The following YIF1B variants were observed in gnomAD, a reference collection of about 807,000 sequenced individuals.
YIF1B encodes Yip1 interacting factor homolog B, membrane trafficking protein.
In YIF1B, 24 loss-of-function variants were observed where a neutral mutation model predicts 34.6. That is an observed-to-expected ratio of 0.69 (90% CI 0.50 to 0.98). YIF1B has a LOEUF of 0.98. Among genes scored for constraint, YIF1B ranks in the 50% least tolerant of loss-of-function variants. The pLI is 0.00. For missense variants in YIF1B, 368 were observed against 429.4 expected, an observed-to-expected ratio of 0.86 and a Z score of 1.26; for synonymous variants, 186 against 184.8, an observed-to-expected ratio of 1.01 and a Z score of -0.05.
In YIF1B at chr19:38,315,068, G is replaced by A. The variant is rs189592715; in HGVS notation, c.58+792C>T. 3.8e-4 allele frequency among the ~76,000 whole-genome samples: 58 copies of A among 151,930 alleles called. No individual in the cohort carries two copies. In the East Asian group the frequency reaches 0.01, roughly 27 times the overall value. On this transcript the variant is annotated intron_variant, in intron 1 of 7. Transcript: ENST00000339413. ...GAGGTCGGGAGTTTGAGACCAGCTT[G>A]ACCAACATGGAGAAACCCCGTCTAT...
intron 4 of YIF1B, 40 bp downstream of exon 4, chr19:38,308,939 G>A (rs373184680): frequency 8.5e-5 from 137 of 1,612,432 alleles, no homozygotes; most frequent in Non-Finnish European, 1.1e-4. Context: ...ATATAGGCCC[G>A]GAAGAGAGAG....
chr19:38,306,651 A>G (rs1600379223), intron 7 of YIF1B: 2 of 249,820 alleles, frequency 8.0e-6, no homozygotes, highest in East Asian at 2.9e-4. Flanking sequence ...TCATCATCCT[A>G]TTTTACAAAA....
At chr19:38,310,558 T>C (rs1449345162) in intron 1 of YIF1B, among the ~76,000 whole-genome samples, 3 of 152,052 alleles carry the variant, frequency 2.0e-5, no homozygotes, top group Non-Finnish European at 4.4e-5. Flanking sequence ...CAGATATCAA[T>C]GATGATGATT....
intron 1 of YIF1B, among the ~76,000 whole-genome samples, chr19:38,312,696 TTTCTC>T (rs1969371523): frequency 6.6e-6 from 1 of 152,180 alleles, no homozygotes; most frequent in East Asian, 1.9e-4. Flanking sequence ...ACGTCATGAC[TTTCTC>T]TGCACCTGGA....
chr19:38,320,014 G>T (rs1600419081), upstream of YIF1B: 15 of 1,490,762 alleles, frequency 1.0e-5, no homozygotes, highest in East Asian at 4.1e-4. Context: ...GGTGCTGGGC[G>T]CGCTGTTGGT....
chr19:38,320,270 T>TGG, upstream of YIF1B: 1 of 1,605,802 alleles, frequency 6.2e-7, no homozygotes, highest in Non-Finnish European at 8.5e-7. Flanking sequence ...ATCACCACCG[T>TGG]GGGTACGTAA....
chr19:38,304,952 G>C lies in YIF1B; in HGVS notation c.*400C>G, dbSNP rs139591787. The C allele has an allele frequency of 1.2e-6, 2 of 1,608,272 alleles. No homozygotes were observed. Among genetic ancestry groups the C allele is most frequent in the African/African-American group, 1.3e-5 (1 of 74,614 alleles). ...AGAAGGAGAAGGGCAAGAAGAAGGA[G>C]GCTCCCCACTGAAGGGCCCTGGACA... On this transcript the variant is annotated 3_prime_UTR_variant, in exon 8 of 8. Coordinates refer to ENST00000339413, the MANE Select transcript of YIF1B (RefSeq NM_001039672.3).
Position 38,305,444 on chromosome 19 carries a change from C to G in YIF1B, c.853G>C (p.Ala285Pro). 1.2e-6 allele frequency: 2 copies of G among 1,610,006 alleles called. No homozygotes were observed. Among genetic ancestry groups the G allele is most frequent in the South Asian group, 1.1e-5 (1 of 90,882 alleles). The change falls in exon 8 of 8, where the codon GCC becomes CCC. Residue 285 changes from alanine (A) to proline (P), a missense_variant. Transcript: ENST00000339413. ...AGGTACATGCGCAGCTGGTTCCGGG[C>G]CCCACGCACCGGGACCCCCTCAGCT... ...AAAEGVPVRG[A>P]RNQLRMYLTM...
At chr19:38,311,486 CCT>C (rs1025117945) in intron 1 of YIF1B, among the ~76,000 whole-genome samples, 10 of 152,130 alleles carry the variant, frequency 6.6e-5, no homozygotes, top group African/African-American at 2.4e-4. Flanking sequence ...TCACAACCAC[CCT>C]GTTTCTGCCA....
At chr19:38,317,461 C>T (rs932638708), upstream of YIF1B, among the ~76,000 whole-genome samples, 2 of 152,202 alleles carry the variant, frequency 1.3e-5, no homozygotes, top group African/African-American at 2.4e-5. Flanking sequence ...TTCTTCTTCA[C>T]CTCTGATTTA....
chr19:38,308,966 G>A lies in YIF1B; in HGVS notation c.481+13C>T. The A allele has an allele frequency of 6.2e-7, 1 of 1,607,846 alleles. No homozygotes were observed. Among genetic ancestry groups the A allele is most frequent in the African/African-American group, 1.3e-5 (1 of 74,842 alleles). On this transcript the variant is annotated intron_variant, in intron 4 of 7. Transcript: ENST00000339413. ...AAGAGAGAGGAGGGTGCAGGGTAGGGGGAGGGTGAAACCTGGAATGTAGAG... is the reference window on the plus strand; with the variant it reads ...AAGAGAGAGGAGGGTGCAGGGTAGGAGGAGGGTGAAACCTGGAATGTAGAG...
At chr19:38,307,773 C>T (rs1316711503) in intron 5 of YIF1B, 21 bp from the exon 6 acceptor site, 1 of 1,610,572 alleles carries the variant, frequency 6.2e-7, no homozygotes, top group South Asian at 1.1e-5. Context: ...AAAGCCCCGC[C>T]ACTTGGTTGG....
chr19:38,305,024 G>T lies in YIF1B; in HGVS notation c.*328C>A. 1 of 1,552,168 alleles carries T rather than the reference G, an allele frequency of 6.4e-7. No individual in the cohort carries two copies. The highest frequency in any genetic ancestry group is 8.7e-7 in the Non-Finnish European group (1 of 1,147,648). On this transcript the variant is annotated 3_prime_UTR_variant, in exon 8 of 8. Coordinates refer to ENST00000339413, the MANE Select transcript of YIF1B (RefSeq NM_001039672.3). Reference sequence around the variant, plus strand: ...CTGCCTTCTGCGACTGGTCAGCGTGGTGCCTACTCTGGCCCGTCCCCAGCT... The same window carrying T: ...CTGCCTTCTGCGACTGGTCAGCGTGTTGCCTACTCTGGCCCGTCCCCAGCT...
rs748630396 is a variant in YIF1B at position 38,305,350 on chromosome 19, G to A, written c.*2C>T. ...CAGCAGCGGGAGGTTCAGCGGGCGC[G>A]CTCACCGCACCAGGTGGAAGGTGAG... On this transcript the variant is annotated 3_prime_UTR_variant, in exon 8 of 8. Coordinates refer to ENST00000339413, the MANE Select transcript of YIF1B (RefSeq NM_001039672.3). 4 of 1,600,124 alleles carry A rather than the reference G, an allele frequency of 2.5e-6. No homozygotes were observed. The highest frequency in any genetic ancestry group is 2.2e-5 in the East Asian group (1 of 44,486).
At chr19:38,314,616 C>CTTTTTTTTTTTT (rs911022609) in intron 1 of YIF1B, among the ~76,000 whole-genome samples, 1 of 82,324 alleles carries the variant, frequency 1.2e-5, no homozygotes, top group Admixed American at 1.6e-4. Flanking sequence ...GGATCACCCT[C>CTTTTTTTTTTTT]TTTTTTTTTT....
At position 38,304,216 on chromosome 19, in the gene YIF1B, A is replaced by C. The variant is rs200055717; in HGVS notation, c.*1136T>G. The C allele has an allele frequency of 6.2e-7, 1 of 1,611,860 alleles. No homozygotes were observed. The highest frequency in any genetic ancestry group is 1.3e-5 in the African/African-American group (1 of 75,036). ...TCCTCCCCCTGCTCCGCTCCTCTGC[A>C]GGGCCCAGGCGCCCTTGGCCTTAGG... is the stretch of plus-strand genomic sequence containing the variant. On this transcript the variant is annotated 3_prime_UTR_variant, in exon 8 of 8. Transcript: ENST00000339413.
upstream of YIF1B, chr19:38,319,737 C>G: frequency 1.9e-6 from 1 of 518,198 alleles, no homozygotes; most frequent in Non-Finnish European, 3.3e-6. Context: ...CCACCCTCTC[C>G]GAACGAACAC....
upstream of YIF1B, chr19:38,320,309 G>A: frequency 1.3e-6 from 2 of 1,599,438 alleles, no homozygotes; most frequent in South Asian, 1.1e-5. Flanking sequence ...GCGAGGACCC[G>A]GGATCCCCAC....
chr19:38,313,860 A>C (rs1969423885), intron 1 of YIF1B, among the ~76,000 whole-genome samples: 1 of 152,246 alleles, frequency 6.6e-6, no homozygotes, highest in Non-Finnish European at 1.5e-5. Flanking sequence ...GCCTTTGCAG[A>C]GACCTTCCTC....
Sources: allele counts gnomAD v4.1 joint callset (sites outside exome capture counted in the v4.1 genomes callset), GRCh38; gene constraint gnomAD v4.1.1; transcripts MANE v1.5; gene names NCBI Gene and HGNC (gene_info 2026-07-23, HGNC 2026-07-21).